The following USP6NL variants were observed in gnomAD, a reference collection of about 807,000 sequenced individuals.
USP6NL encodes USP6 N-terminal-like protein.
Under a neutral mutation model 61.9 loss-of-function variants are expected in USP6NL, and 26 were observed. The observed-to-expected ratio is 0.42, with a 90% CI of 0.31 to 0.58. USP6NL has a LOEUF of 0.58. Ranked by LOEUF, USP6NL falls within the 20% of genes least tolerant of loss-of-function variation. The pLI is 0.16. For synonymous variants in USP6NL, 432 were observed against 390.1 expected (o/e 1.11, Z -1.27); for missense variants, 1,114 against 1,034.3 (o/e 1.08, Z -1.06).
rs537131260 is a variant in USP6NL at position 11,499,318 on chromosome 10, T to G, written c.384+1783A>C. On this transcript the variant is annotated intron_variant, in intron 7 of 14. Transcript: ENST00000609104. This position sits in a 1 kb window ranked among gnomAD's most constrained non-coding sequence, Gnocchi z 4.5. ...GGTACTGGCAGGCAAGTCATTCTTT[T>G]GTTGTAGTTGCTGTCAGATTTTACT... Among the ~76,000 whole-genome samples, 1 of 152,342 alleles carries G rather than the reference T, an allele frequency of 6.6e-6. No individual in the cohort carries two copies. The highest frequency in any genetic ancestry group is 6.5e-5 in the Admixed American group (1 of 15,304).
chr10:11,604,469 G>A (rs907380804), intron 1 of USP6NL, among the ~76,000 whole-genome samples: 1 of 152,220 alleles, frequency 6.6e-6, no homozygotes, highest in Non-Finnish European at 1.5e-5. Context: ...GAAGTAGTCA[G>A]AGGTAACCCT....
In USP6NL at chr10:11,487,989, AGTGTT is replaced by A. The variant is rs1353314280; in HGVS notation, c.664+1108_664+1112del. 1.4e-3 allele frequency among the ~76,000 whole-genome samples: 213 copies of A among 152,372 alleles called. 2 individuals carry two copies. Among genetic ancestry groups the A allele is most frequent in the Non-Finnish European group, 2.4e-4 (16 of 68,034 alleles). ...TGGAAGATCCATTCTTAGAATAACTAGTGTTAAAATTATTTTAAATTTGATATTAA... is the reference window on the plus strand; with the variant it reads ...TGGAAGATCCATTCTTAGAATAACTAAAAATTATTTTAAATTTGATATTAA... On this transcript the variant is annotated intron_variant, in intron 10 of 14. Coordinates refer to ENST00000609104, the MANE Select transcript of USP6NL (RefSeq NM_014688.5). This position sits in a 1 kb window ranked among gnomAD's most constrained non-coding sequence, Gnocchi z 4.2.
At chr10:11,466,049 C>A (rs565653951) in intron 14 of USP6NL, among the ~76,000 whole-genome samples, 1 of 152,234 alleles carries the variant, frequency 6.6e-6, no homozygotes, top group South Asian at 2.1e-4. Flanking sequence ...GCAGTAACAA[C>A]CCTATAGGGG....
At position 11,561,990 on chromosome 10, in the gene USP6NL, T is replaced by A. The variant is rs933650184; in HGVS notation, c.5-34423A>T. ...TGCCAGATCTTTTTAAGCAAGGATG[T>A]TCTGAGTAAAAAAAAGAAATTTGCT... On this transcript the variant is annotated intron_variant, in intron 2 of 14. Coordinates refer to ENST00000609104, the MANE Select transcript of USP6NL (RefSeq NM_014688.5). The surrounding 1 kb of genome is among the most constrained non-coding windows in gnomAD (Gnocchi z 4.1). Among the ~76,000 whole-genome samples, 1 of 152,166 alleles carries A rather than the reference T, an allele frequency of 6.6e-6. No homozygotes were observed. Among genetic ancestry groups the A allele is most frequent in the Non-Finnish European group, 1.5e-5 (1 of 68,022 alleles).
At chr10:11,550,079 G>C (rs12572987) in intron 2 of USP6NL, among the ~76,000 whole-genome samples, 16,066 of 152,136 alleles carry the variant, frequency 0.11, 1,391 homozygotes, top group East Asian at 0.45. Flanking sequence ...TATCTATATG[G>C]TATCTATATC....
chr10:11,468,642 T>A lies in USP6NL; in HGVS notation c.1079-4793A>T, dbSNP rs561641944. 6.6e-6 allele frequency among the ~76,000 whole-genome samples: 1 copy of A among 151,548 alleles called. No individual in the cohort carries two copies. Among genetic ancestry groups the A allele is most frequent in the South Asian group, 2.1e-4 (1 of 4,788 alleles). ...GAAACAATAAACTGTAGCGTGGGAGTGGAGGGGAGGAGGTGTGGGAAAAAT... is the reference window on the plus strand; with the variant it reads ...GAAACAATAAACTGTAGCGTGGGAGAGGAGGGGAGGAGGTGTGGGAAAAAT... On this transcript the variant is annotated intron_variant, in intron 14 of 14. Coordinates refer to ENST00000609104, the MANE Select transcript of USP6NL (RefSeq NM_014688.5). This position sits in a 1 kb window ranked among gnomAD's most constrained non-coding sequence, Gnocchi z 4.5.
At chr10:11,578,319 C>A (rs1050576539) in intron 2 of USP6NL, among the ~76,000 whole-genome samples, 1 of 152,182 alleles carries the variant, frequency 6.6e-6, no homozygotes, top group African/African-American at 2.4e-5. Context: ...CCTTATACTT[C>A]TAATCCATTT....
intron 2 of USP6NL, among the ~76,000 whole-genome samples, chr10:11,568,052 G>T (rs771492670): frequency 1.3e-4 from 20 of 152,070 alleles, no homozygotes; most frequent in Non-Finnish European, 2.6e-4. Flanking sequence ...TAGCGGTCAC[G>T]TGTGAAAATC....
chr10:11,508,717 C>T (rs918396682), intron 6 of USP6NL, among the ~76,000 whole-genome samples: 1 of 152,218 alleles, frequency 6.6e-6, no homozygotes, highest in East Asian at 1.9e-4. Flanking sequence ...ATACGGAGCT[C>T]TGTGCTGCAC....
Position 11,592,715 on chromosome 10 carries a change from C to G in USP6NL, c.4+4916G>C, listed in dbSNP as rs1229566537. ...AAAACAGTTTATCTATCTAGATAGG[C>G]TACTGTCCTAGAGAGTTTTAGCCAG... is the stretch of plus-strand genomic sequence containing the variant. On this transcript the variant is annotated intron_variant, in intron 2 of 14. Coordinates refer to ENST00000609104, the MANE Select transcript of USP6NL (RefSeq NM_014688.5). This position sits in a 1 kb window ranked among gnomAD's most constrained non-coding sequence, Gnocchi z 4.7. Among the ~76,000 whole-genome samples the G allele has an allele frequency of 1.3e-5, 2 of 152,166 alleles. No homozygotes were observed. The highest frequency in any genetic ancestry group is 2.9e-5 in the Non-Finnish European group (2 of 68,032).
At position 11,562,542 on chromosome 10, in the gene USP6NL, C is replaced by A; in HGVS notation, c.5-34975G>T. On this transcript the variant is annotated intron_variant, in intron 2 of 14. Coordinates refer to ENST00000609104, the MANE Select transcript of USP6NL (RefSeq NM_014688.5). The surrounding 1 kb of genome is among the most constrained non-coding windows in gnomAD (Gnocchi z 4.8). Reference sequence around the variant, plus strand: ...TCAAGACATTGCTTGGCCACTGTGACTACTCTGAGTCTAGCTAGCCTGGAC... The same window carrying A: ...TCAAGACATTGCTTGGCCACTGTGAATACTCTGAGTCTAGCTAGCCTGGAC... 1 of 985,410 alleles carries A rather than the reference C, an allele frequency of 1.0e-6. No homozygotes were observed. Among genetic ancestry groups the A allele is most frequent in the Non-Finnish European group, 1.2e-6 (1 of 829,926 alleles). The allele number at this position is 985,410 out of a possible 1,614,324, so 61.0% of individuals were successfully genotyped here.
intron 4 of USP6NL, among the ~76,000 whole-genome samples, chr10:11,522,367 A>C (rs1835245914): frequency 6.6e-6 from 1 of 152,230 alleles, no homozygotes; most frequent in Non-Finnish European, 1.5e-5. Flanking sequence ...CTTTTGATCA[A>C]GGTGTGACAG....
intron 2 of USP6NL, among the ~76,000 whole-genome samples, chr10:11,586,322 G>C (rs1398626887): frequency 1.4e-5 from 2 of 146,202 alleles, no homozygotes; most frequent in Non-Finnish European, 3.0e-5. Flanking sequence ...TGAAAAAACT[G>C]AGCCATCTTA....
intron 14 of USP6NL, among the ~76,000 whole-genome samples, chr10:11,479,879 G>C (rs937440604): frequency 3.3e-5 from 5 of 152,044 alleles, no homozygotes; most frequent in Non-Finnish European, 7.4e-5. Context: ...CCAGCCTCAT[G>C]GAGGTTTTTA....
intron 1 of USP6NL, among the ~76,000 whole-genome samples, chr10:11,608,527 C>T (rs1447635480): frequency 6.6e-6 from 1 of 152,158 alleles, no homozygotes; most frequent in African/African-American, 2.4e-5. Flanking sequence ...TCCCACACAC[C>T]CGCCTCTTTT....
At position 11,537,250 on chromosome 10, in the gene USP6NL, T is replaced by C. The variant is rs537704281; in HGVS notation, c.5-9683A>G. Among the ~76,000 whole-genome samples the C allele has an allele frequency of 6.6e-6, 1 of 152,258 alleles. No homozygotes were observed. The highest frequency in any genetic ancestry group is 3.4e-3 in the Middle Eastern group (1 of 294). On this transcript the variant is annotated intron_variant, in intron 2 of 14. Coordinates refer to ENST00000609104, the MANE Select transcript of USP6NL (RefSeq NM_014688.5). This position sits in a 1 kb window ranked among gnomAD's most constrained non-coding sequence, Gnocchi z 5.1. The stretch of plus-strand genomic sequence containing the variant: ...CTCCTGAGTCCTAAGTAGCTGGGAC[T>C]ACAGGCGCATGCTACCCTGTCTAGC...
chr10:11,537,965 T>C lies in USP6NL; in HGVS notation c.5-10398A>G, dbSNP rs1835899727. On this transcript the variant is annotated intron_variant, in intron 2 of 14. Transcript: ENST00000609104. The surrounding 1 kb of genome is among the most constrained non-coding windows in gnomAD (Gnocchi z 5.1). ...TCGATATAATTGGTAGGTTGCTTGT[T>C]TTGTTTTTGTAAGCACATGTTTTTA... Among the ~76,000 whole-genome samples the C allele has an allele frequency of 2.6e-5, 4 of 152,228 alleles. No homozygotes were observed. In the South Asian group the frequency reaches 6.2e-4, roughly 24 times the overall value.
Position 11,553,198 on chromosome 10 carries a change from T to C in USP6NL, c.5-25631A>G, listed in dbSNP as rs1044754493. On this transcript the variant is annotated intron_variant, in intron 2 of 14. Transcript: ENST00000609104. This position sits in a 1 kb window ranked among gnomAD's most constrained non-coding sequence, Gnocchi z 4.8. Reference sequence around the variant, plus strand: ...ATCACATTAATCCACAACCATATTTTGGCTACTGAATTGTTGAATGCAAAG... The same window carrying C: ...ATCACATTAATCCACAACCATATTTCGGCTACTGAATTGTTGAATGCAAAG... 3.9e-5 allele frequency among the ~76,000 whole-genome samples: 6 copies of C among 152,232 alleles called. No individual in the cohort carries two copies. The highest frequency in any genetic ancestry group is 1.4e-4 in the African/African-American group (6 of 41,464).
chr10:11,531,448 G>A (rs1835653525), intron 2 of USP6NL, among the ~76,000 whole-genome samples: 2 of 151,896 alleles, frequency 1.3e-5, no homozygotes, highest in African/African-American at 4.8e-5. Flanking sequence ...TCAGCCTCCG[G>A]AGTAGCTGGG....
Sources: gnomAD v4.1 joint callset for allele counts (sites outside exome capture counted in the v4.1 genomes callset) on GRCh38, gnomAD v4.1.1 for gene constraint, Gnocchi (gnomAD v3.1) non-coding constraint, MANE v1.5 for transcripts, NCBI Gene and HGNC (gene_info 2026-07-23, HGNC 2026-07-21) for gene names.